Variants in EXOSC10 observed in about 807,000 individuals in gnomAD.
The protein encoded by EXOSC10 is exosome component 10.
In EXOSC10, 94 loss-of-function variants were observed where a neutral mutation model predicts 126.6. The ratio of observed to expected loss-of-function variants is 0.74; its 90% CI spans 0.63 to 0.88. EXOSC10 has a LOEUF of 0.88. EXOSC10 is among the 40% of genes least tolerant of loss of function. The probability of loss-of-function intolerance (pLI) is 0.00; values close to 1 mark genes in which losing one functional copy is unlikely to be tolerated. For missense variants in EXOSC10, 1,041 were observed against 1,100.5 expected, an observed-to-expected ratio of 0.95 and a Z score of 0.77; for synonymous variants, 395 against 400.8, an observed-to-expected ratio of 0.99 and a Z score of 0.17.
intron 14 of EXOSC10, among the ~76,000 whole-genome samples, chr1:11,079,462 C>T (rs1343237047): frequency 6.9e-5 from 10 of 145,964 alleles, no homozygotes; most frequent in Non-Finnish European, 1.0e-4. Flanking sequence ...GGCGCGATCT[C>T]GGCTCACTGC....
chr1:11,087,351 C>T, intron 9 of EXOSC10, 97 bp downstream of exon 9: 1 of 1,437,512 alleles, frequency 7.0e-7, no homozygotes, highest in Admixed American at 1.8e-5. Context: ...TTCCTCCCAA[C>T]TTGACTGGTC....
Position 11,079,741 on chromosome 1 carries a change from G to T in EXOSC10, c.1719C>A (p.Ile573=). ...RQQINEMHLL[I]QQAREMPLLK... is the part of the protein sequence containing the mutation. ...GCAGGGGCATCTCTCGGGCCTGCTG[G>T]ATTAAAAGGTGCATTTCGTTGATCT... The change falls in exon 14 of 25, where the codon ATC becomes ATA. Residue 573 remains isoleucine (I), a synonymous_variant. Transcript: ENST00000376936. 1.9e-6 allele frequency: 3 copies of T among 1,613,898 alleles called. No homozygotes were observed. Among genetic ancestry groups the T allele is most frequent in the Non-Finnish European group, 2.5e-6 (3 of 1,179,932 alleles).
At chr1:11,071,701 CT>C (rs1192327537) in intron 20 of EXOSC10, 1 of 116,902 alleles carries the variant, frequency 8.6e-6, no homozygotes, top group Non-Finnish European at 2.1e-5. Flanking sequence ...ATCTCCTGCT[CT>C]TCTCTACCCG....
At position 11,080,546 on chromosome 1, in the gene EXOSC10, A is replaced by C. The variant is rs1336017162; in HGVS notation, c.1590T>G (p.Tyr530Ter). The C allele has an allele frequency of 6.3e-7, 1 of 1,599,038 alleles. No homozygotes were observed. Among genetic ancestry groups the C allele is most frequent in the South Asian group, 1.1e-5 (1 of 90,628 alleles). The change falls in exon 13 of 25, where the codon TAT (tyrosine) becomes TAG (stop). Residue 530 changes from tyrosine (Y) to a stop codon, truncating the protein, a stop_gained. Coordinates refer to ENST00000376936, the MANE Select transcript of EXOSC10 (RefSeq NM_001001998.3). LOFTEE classifies it high-confidence loss of function. ...TCAGCATCATGTGGTTTGGCAGTAC[A>C]TATCTGGAAAAAAAAAAACACACAC... ...TARREDESYG[Y>*]VLPNHMMLKI...
chr1:11,076,455 A>G (rs17036294), intron 17 of EXOSC10, among the ~76,000 whole-genome samples: 10,987 of 152,188 alleles, frequency 0.072, 616 homozygotes, highest in East Asian at 0.15. Flanking sequence ...CGGACAGTAC[A>G]CCCATGCCAC....
Position 11,070,717 on chromosome 1 carries a change from A to G in EXOSC10, c.2316+183T>C, listed in dbSNP as rs540211884. The G allele has an allele frequency of 5.2e-4, 306 of 586,788 alleles. 4 individuals carry two copies. Among genetic ancestry groups the G allele is most frequent in the South Asian group, 2.0e-3 (94 of 45,880 alleles). 36.3% of individuals were successfully genotyped at this position (586,788 alleles called of 1,614,324 possible). On this transcript the variant is annotated intron_variant, in intron 21 of 24. Transcript: ENST00000376936. ...TGGAAGAAGGTTAAGAGGAATTACA[A>G]TATCAATCTTGTGGAGGTTTCGGAA...
intron 9 of EXOSC10, among the ~76,000 whole-genome samples, chr1:11,084,079 A>G (rs1010455295): frequency 2.0e-5 from 3 of 152,226 alleles, no homozygotes; most frequent in African/African-American, 4.8e-5. Context: ...ATAGTGCCGC[A>G]ATAAACATAT....
intron 21 of EXOSC10, chr1:11,070,619 C>A: frequency 5.5e-6 from 2 of 365,316 alleles, no homozygotes; most frequent in East Asian, 4.7e-5. Flanking sequence ...ACACAACAAG[C>A]TTCAGCACTG....
At chr1:11,068,606 G>T in intron 23 of EXOSC10, 39 bp downstream of exon 23, 1 of 1,541,860 alleles carries the variant, frequency 6.5e-7, no homozygotes, top group Non-Finnish European at 9.0e-7. Context: ...AGAAACAGGC[G>T]CCACCAGCGT....
intron 3 of EXOSC10, chr1:11,095,406 T>C: frequency 5.5e-6 from 1 of 182,612 alleles, no homozygotes. Flanking sequence ...CAAAGCTCTT[T>C]GTTAGTTACC....
chr1:11,092,111 T>C lies in EXOSC10; in HGVS notation c.373-514A>G, dbSNP rs142231038. 1.1e-3 allele frequency among the ~76,000 whole-genome samples: 169 copies of C among 152,366 alleles called. 1 individual carries two copies. The East Asian group carries it at 0.027, about 24-fold the overall frequency. On this transcript the variant is annotated intron_variant, in intron 3 of 24. Transcript: ENST00000376936. Reference sequence around the variant, plus strand: ...AAGTTGTATGTAATAAATATATAGATGGTCCCCAATGTATGACAGTTTGAC... The same window carrying C: ...AAGTTGTATGTAATAAATATATAGACGGTCCCCAATGTATGACAGTTTGAC...
In EXOSC10 at chr1:11,099,867, G is replaced by C. The variant is rs763753092; in HGVS notation, c.-36C>G. 1.5e-5 allele frequency: 23 copies of C among 1,563,360 alleles called. No individual in the cohort carries two copies. The highest frequency in any genetic ancestry group is 1.9e-5 in the Non-Finnish European group (22 of 1,154,098). On this transcript the variant is annotated 5_prime_UTR_variant, in exon 1 of 25. Coordinates refer to ENST00000376936, the MANE Select transcript of EXOSC10 (RefSeq NM_001001998.3). The stretch of plus-strand genomic sequence containing the variant: ...TGCACGGCTCGTCTCGCGAGAGCTT[G>C]TCGGCCGAGGAGACGGGACGCGTGC...
At chr1:11,099,614 T>C in intron 1 of EXOSC10, 107 bp downstream of exon 1, 2 of 1,289,306 alleles carry the variant, frequency 1.6e-6, no homozygotes, top group Non-Finnish European at 2.1e-6. Context: ...CCCGCGACCC[T>C]CGCTCGGGCT....
At chr1:11,089,161 T>A (rs1047706556) in intron 6 of EXOSC10, among the ~76,000 whole-genome samples, 56 of 143,676 alleles carry the variant, frequency 3.9e-4, no homozygotes, top group African/African-American at 1.4e-3. Flanking sequence ...AGCCCCAGGG[T>A]TCAAGGCTAC....
intron 23 of EXOSC10, 95 bp downstream of exon 23, chr1:11,068,550 G>T: frequency 1.1e-6 from 1 of 924,060 alleles, no homozygotes; most frequent in Non-Finnish European, 1.8e-6. Context: ...ATATGCAAAG[G>T]AATGGACTCC....
chr1:11,068,014 G>A lies in EXOSC10; in HGVS notation c.2621C>T (p.Ser874Leu). The change falls in exon 24 of 25, where the codon TCA becomes TTA. Residue 874 changes from serine (S) to leucine (L), a missense_variant. Coordinates refer to ENST00000376936, the MANE Select transcript of EXOSC10 (RefSeq NM_001001998.3). ...NKSMSFPTGK[S>L]DRGFRYNWPQ... ...ACCGCCGTCCACCACATACCTGTCT[G>A]ACTTTCCAGTTGGAAAGGACATGCT... The A allele has an allele frequency of 6.2e-7, 1 of 1,614,016 alleles. No homozygotes were observed. Among genetic ancestry groups the A allele is most frequent in the Non-Finnish European group, 8.5e-7 (1 of 1,179,952 alleles).
rs759160085 is a variant in EXOSC10, at chr1:11,087,812, T to C, written c.933A>G (p.Ala311=). 30 of 1,611,600 alleles carry C rather than the reference T, an allele frequency of 1.9e-5. No homozygotes were observed. In the Admixed American group the frequency reaches 4.9e-4, roughly 26 times the overall value. ...ATTTATAAGATACCTCCAAGTCAAC[T>C]GCAAATTCCTGACAATTCAAGAGCT... The part of the protein sequence containing the change: ...NEKLLNCQEF[A]VDLEHHSYRS... Residue 311 remains alanine (A), a synonymous_variant, in exon 8 of 25, where the codon GCA becomes GCG. Coordinates refer to ENST00000376936, the MANE Select transcript of EXOSC10 (RefSeq NM_001001998.3).
rs115024176 is a variant in EXOSC10, at chr1:11,087,995, A to T, written c.835-85T>A. ...ACAAAGTGAACTACAAGTTTGAGAA[A>T]TGACCCAAAACTGTAACTTTCTCCC... On this transcript the variant is annotated intron_variant, in intron 7 of 24. Coordinates refer to ENST00000376936, the MANE Select transcript of EXOSC10 (RefSeq NM_001001998.3). The T allele has an allele frequency of 1.6e-3, 2,021 of 1,245,726 alleles. 25 individuals are homozygous for T. In the African/African-American group the frequency reaches 0.025, roughly 16 times the overall value. 77.2% of individuals were successfully genotyped at this position (1,245,726 alleles called of 1,614,324 possible).
chr1:11,083,562 C>CAAAAAAAAAAAA (rs35412224), intron 9 of EXOSC10, among the ~76,000 whole-genome samples: 71 of 65,844 alleles, frequency 1.1e-3, no homozygotes, highest in South Asian at 7.1e-3. Flanking sequence ...AACTCCGTCT[C>CAAAAAAAAAAAA]AAAAAAAAAA....
Sources: gnomAD v4.1 joint callset for allele counts (sites outside exome capture counted in the v4.1 genomes callset) on GRCh38, gnomAD v4.1.1 for gene constraint, MANE v1.5 for transcripts, NCBI Gene and HGNC (gene_info 2026-07-23, HGNC 2026-07-21) for gene names.